The following ELAPOR1 variants were observed in gnomAD, a reference collection of about 807,000 sequenced individuals.
The protein encoded by ELAPOR1 is endosome-lysosome associated apoptosis and autophagy regulator 1.
In ELAPOR1, 77 loss-of-function variants were observed where a neutral mutation model predicts 119.7. That is an observed-to-expected ratio of 0.64 (90% CI 0.54 to 0.78). The LOEUF is 0.78. Ranked by LOEUF, ELAPOR1 falls within the 30% of genes least tolerant of loss-of-function variation. The pLI is 0.00. For missense variants in ELAPOR1, 1,115 were observed against 1,270.4 expected (o/e 0.88, Z 1.86); for synonymous variants, 481 against 487.2 (o/e 0.99, Z 0.17).
rs1434878883 is a variant in ELAPOR1 at position 109,199,899 on chromosome 1, G to T, written c.2547G>T (p.Leu849=). The part of the protein sequence containing the change: ...GTCDGCNFHF[L]WESAAACPLC... ...GTGATGGCTGCAACTTCCACTTCCTGTGGGAGAGCGCGGCTGCTTGCCCGC... is the reference window on the plus strand; with the variant it reads ...GTGATGGCTGCAACTTCCACTTCCTTTGGGAGAGCGCGGCTGCTTGCCCGC... The change falls in exon 19 of 22, where the codon CTG becomes CTT. Residue 849 remains leucine, a synonymous_variant. Coordinates refer to ENST00000369939, the MANE Select transcript of ELAPOR1 (RefSeq NM_020775.5). 6.2e-7 allele frequency: 1 copy of T among 1,613,744 alleles called. No homozygotes were observed. The highest frequency in any genetic ancestry group is 2.2e-5 in the East Asian group (1 of 44,890).
intron 4 of ELAPOR1, among the ~76,000 whole-genome samples, 182 bp from the exon 5 acceptor site, chr1:109,172,306 T>TTG (rs1651973079): frequency 6.6e-6 from 1 of 152,234 alleles, no homozygotes. Flanking sequence ...AACGCTCATT[T>TTG]TGTGTGTGTG....
chr1:109,188,413 G>A (rs1653208677), intron 9 of ELAPOR1, 59 bp downstream of exon 9: 2 of 1,540,520 alleles, frequency 1.3e-6, no homozygotes, highest in East Asian at 2.3e-5. Context: ...GGGCTGTGTG[G>A]GCACTAACAG....
chr1:109,188,105 A>G (rs1312679993), intron 8 of ELAPOR1, 72 bp from the exon 9 acceptor site: 4 of 1,525,036 alleles, frequency 2.6e-6, no homozygotes, highest in African/African-American at 2.8e-5. Context: ...CCCAGCCCCT[A>G]TCCTCAAGGT....
At chr1:109,163,001 T>C (rs948925205) in intron 2 of ELAPOR1, among the ~76,000 whole-genome samples, 2 of 152,252 alleles carry the variant, frequency 1.3e-5, no homozygotes, top group Non-Finnish European at 2.9e-5. Context: ...GAAACATTCA[T>C]GAAGCTCCCA....
intron 1 of ELAPOR1, among the ~76,000 whole-genome samples, chr1:109,158,647 C>G (rs1651044566): frequency 6.6e-6 from 1 of 152,110 alleles, no homozygotes; most frequent in Non-Finnish European, 1.5e-5. Flanking sequence ...GGGTGTGCGT[C>G]ATAGAATTGT....
intron 8 of ELAPOR1, chr1:109,187,066 G>C (rs1653097559): frequency 2.0e-6 from 2 of 985,368 alleles, no homozygotes; most frequent in Admixed American, 6.1e-5. Flanking sequence ...GCTCAGTCTG[G>C]TGATTGAGTT....
chr1:109,176,606 C>CTT (rs1166255748), intron 7 of ELAPOR1, among the ~76,000 whole-genome samples: 2 of 127,820 alleles, frequency 1.6e-5, no homozygotes, highest in African/African-American at 5.7e-5. Context: ...CTTTTTTTTT[C>CTT]TTTTTTTTTT....
At chr1:109,165,285 C>G (rs1424138526) in intron 3 of ELAPOR1, among the ~76,000 whole-genome samples, 1 of 152,028 alleles carries the variant, frequency 6.6e-6, no homozygotes, top group Admixed American at 6.6e-5. Context: ...AAGACCCTGT[C>G]TCATTGAAAA....
intron 1 of ELAPOR1, among the ~76,000 whole-genome samples, chr1:109,154,729 T>C (rs1254948999): frequency 6.6e-6 from 1 of 152,214 alleles, no homozygotes; most frequent in African/African-American, 2.4e-5. Context: ...GCTTCTCCCT[T>C]GGAGTGTTCT....
At chr1:109,132,183 T>C (rs1420414962) in intron 1 of ELAPOR1, among the ~76,000 whole-genome samples, 1 of 152,104 alleles carries the variant, frequency 6.6e-6, no homozygotes, top group Non-Finnish European at 1.5e-5. Context: ...AATCTTGCTC[T>C]GTCACCCAGG....
At chr1:109,163,706 T>C (rs1271985774) in intron 2 of ELAPOR1, among the ~76,000 whole-genome samples, 2 of 152,130 alleles carry the variant, frequency 1.3e-5, no homozygotes, top group African/African-American at 4.8e-5. Context: ...ATCACATCTG[T>C]TTTAGAAAGG....
chr1:109,179,294 C>T (rs986036993), intron 7 of ELAPOR1, among the ~76,000 whole-genome samples: 13 of 148,326 alleles, frequency 8.8e-5, no homozygotes, highest in African/African-American at 1.2e-4. Context: ...CCCAGCTACT[C>T]GGGAGGCTGA....
At chr1:109,138,726 C>T (rs1392524882) in intron 1 of ELAPOR1, among the ~76,000 whole-genome samples, 4 of 150,882 alleles carry the variant, frequency 2.7e-5, no homozygotes. Context: ...GCCTTCTCCC[C>T]ATAGTCCCAG....
chr1:109,172,620 C>A lies in ELAPOR1; in HGVS notation c.696+52C>A, dbSNP rs761352795. On this transcript the variant is annotated intron_variant, in intron 5 of 21. Transcript: ENST00000369939. ...GAGATCCCAGAAAAGGGACCCAGGG[C>A]CTTTCCTCAGAGAGTGCTTCCTCCC... The A allele has an allele frequency of 1.1e-5, 15 of 1,399,224 alleles. No individual in the cohort carries two copies. The Admixed American group carries it at 2.4e-4, about 23-fold the overall frequency. The allele number at this position is 1,399,224 out of a possible 1,614,324, so 86.7% of individuals were successfully genotyped here.
Position 109,164,248 on chromosome 1 carries a change from C to T in ELAPOR1, c.275-251C>T, listed in dbSNP as rs539202179. Among the ~76,000 whole-genome samples the T allele has an allele frequency of 5.3e-5, 8 of 152,268 alleles. No individual in the cohort carries two copies. In the East Asian group the frequency reaches 1.5e-3, roughly 29 times the overall value. Reference sequence around the variant, plus strand: ...GCAACCACAAATCTACTTTCTGTCTCTATGGCTTCACCTCTTTTGGCCGTT... The same window carrying T: ...GCAACCACAAATCTACTTTCTGTCTTTATGGCTTCACCTCTTTTGGCCGTT... On this transcript the variant is annotated intron_variant, in intron 2 of 21. Transcript: ENST00000369939.
chr1:109,144,061 A>ATATAT lies in ELAPOR1; in HGVS notation c.154-17832_154-17831insATATT. On this transcript the variant is annotated intron_variant, in intron 1 of 21. Coordinates refer to ENST00000369939, the MANE Select transcript of ELAPOR1 (RefSeq NM_020775.5). ...TATATATATATATATATATTTATAT[A>ATATAT]TTTTTTTTTTTTTTTGAGATGGAGT... Among the ~76,000 whole-genome samples the ATATAT allele has an allele frequency of 6.8e-3, 608 of 88,934 alleles. 50 individuals carry two copies. Among genetic ancestry groups the ATATAT allele is most frequent in the African/African-American group, 0.026 (543 of 20,702 alleles). 58.3% of individuals were successfully genotyped at this position (88,934 alleles called of 152,430 possible). A position where few individuals can be genotyped will look rare whatever the true frequency, so the allele number is the denominator to read the frequency against.
intron 15 of ELAPOR1, among the ~76,000 whole-genome samples, chr1:109,194,874 G>A (rs1030029730): frequency 6.7e-6 from 1 of 149,730 alleles, no homozygotes; most frequent in South Asian, 2.1e-4. Context: ...TTGGGAGGCC[G>A]AGACGGGCGG....
intron 1 of ELAPOR1, among the ~76,000 whole-genome samples, chr1:109,155,859 T>C (rs1013052790): frequency 3.3e-5 from 5 of 152,180 alleles, no homozygotes; most frequent in African/African-American, 1.2e-4. Context: ...TAAAATATTT[T>C]TGGACGGGTG....
chr1:109,143,698 C>G (rs1649970330), intron 1 of ELAPOR1, among the ~76,000 whole-genome samples: 1 of 151,908 alleles, frequency 6.6e-6, no homozygotes, highest in African/African-American at 2.4e-5. Flanking sequence ...GAGACAGGGT[C>G]TCACTTTGTC....
Sources: allele counts gnomAD v4.1 joint callset (sites outside exome capture counted in the v4.1 genomes callset), GRCh38; gene constraint gnomAD v4.1.1; transcripts MANE v1.5; gene names NCBI Gene and HGNC (gene_info 2026-07-23, HGNC 2026-07-21).